Variants in RSRC1 observed in about 807,000 individuals in gnomAD.
The protein encoded by RSRC1 is serine/Arginine-related protein 53.
In RSRC1, 39 loss-of-function variants were observed where a neutral mutation model predicts 49.1. The ratio of observed to expected loss-of-function variants is 0.79; its 90% CI spans 0.61 to 1.04. The LOEUF is 1.04. RSRC1 is among the 50% of genes least tolerant of loss of function. The probability of loss-of-function intolerance (pLI) is 0.00; values close to 1 mark genes in which losing one functional copy is unlikely to be tolerated. For synonymous variants in RSRC1, 143 were observed against 130.8 expected, an observed-to-expected ratio of 1.09 and a Z score of -0.63; for missense variants, 388 against 402.4, an observed-to-expected ratio of 0.96 and a Z score of 0.31.
intron 6 of RSRC1, among the ~76,000 whole-genome samples, chr3:158,398,739 C>A (rs1019690316): frequency 1.3e-5 from 2 of 151,980 alleles, no homozygotes; most frequent in Non-Finnish European, 2.9e-5. Flanking sequence ...TTACTACGAC[C>A]TAATTATTTT....
At chr3:158,435,488 T>G (rs1455115340) in intron 6 of RSRC1, among the ~76,000 whole-genome samples, 2 of 151,724 alleles carry the variant, frequency 1.3e-5, no homozygotes, top group African/African-American at 4.8e-5. Flanking sequence ...TGGCTGTAAC[T>G]ATAGTTCTGA....
rs144906416 is a variant in RSRC1, at chr3:158,302,455, C to T, written c.531+4380C>T. Among the ~76,000 whole-genome samples the T allele has an allele frequency of 1.6e-3, 243 of 151,380 alleles. 1 individual carries two copies. Among genetic ancestry groups the T allele is most frequent in the Middle Eastern group, 3.5e-3 (1 of 288 alleles). On this transcript the variant is annotated intron_variant, in intron 5 of 9. Transcript: ENST00000611884. ...TAATTTTTTTAATTTGATGAATAAT[C>T]GCTTATAGATGAAAGGCCTTCTGAT...
intron 5 of RSRC1, among the ~76,000 whole-genome samples, chr3:158,325,482 G>T (rs1729074904): frequency 1.3e-5 from 2 of 152,148 alleles, no homozygotes; most frequent in African/African-American, 4.8e-5. Context: ...TTATTAAATA[G>T]GGAATCCTTT....
chr3:158,183,329 A>G (rs1719738167), intron 3 of RSRC1, among the ~76,000 whole-genome samples: 1 of 152,114 alleles, frequency 6.6e-6, no homozygotes, highest in Non-Finnish European at 1.5e-5. Flanking sequence ...TGACACTTTA[A>G]AGTTTTTTTA....
intron 7 of RSRC1, among the ~76,000 whole-genome samples, chr3:158,514,370 A>G (rs1578564701): frequency 6.6e-6 from 1 of 152,206 alleles, no homozygotes; most frequent in South Asian, 2.1e-4. Context: ...TCATTTCGTT[A>G]TGTACCCAGC....
chr3:158,516,574 G>A (rs1157788961), intron 7 of RSRC1, among the ~76,000 whole-genome samples: 2 of 152,304 alleles, frequency 1.3e-5, no homozygotes, highest in East Asian at 1.9e-4. Context: ...GCCCCCAGAG[G>A]TGGAGCCTAC....
At chr3:158,178,103 T>C (rs1719350528) in intron 3 of RSRC1, among the ~76,000 whole-genome samples, 1 of 152,018 alleles carries the variant, frequency 6.6e-6, no homozygotes, top group Non-Finnish European at 1.5e-5. Context: ...TTCATTCCTG[T>C]TGTTGTTTTG....
At chr3:158,114,539 T>C (rs1441215697) in intron 1 of RSRC1, among the ~76,000 whole-genome samples, 1 of 152,080 alleles carries the variant, frequency 6.6e-6, no homozygotes, top group Admixed American at 6.5e-5. Context: ...CTGTGAAGAA[T>C]GTTAATGGTA....
At chr3:158,326,282 G>A (rs989106271) in intron 5 of RSRC1, among the ~76,000 whole-genome samples, 2 of 152,188 alleles carry the variant, frequency 1.3e-5, no homozygotes, top group African/African-American at 4.8e-5. Flanking sequence ...TAGGAGTGGT[G>A]AGAGAGGACA....
At chr3:158,312,142 A>G (rs10513525) in intron 5 of RSRC1, among the ~76,000 whole-genome samples, 11,661 of 147,872 alleles carry the variant, frequency 0.079, 540 homozygotes, top group South Asian at 0.13. Context: ...GAGAGCACCT[A>G]TTATACTCTA....
chr3:158,149,394 C>G (rs1717372460), intron 3 of RSRC1, among the ~76,000 whole-genome samples: 1 of 152,096 alleles, frequency 6.6e-6, no homozygotes, highest in South Asian at 2.1e-4. Flanking sequence ...CTGTGGACTG[C>G]CTGCCTTAAG....
At chr3:158,135,626 A>G (rs1353641076) in intron 3 of RSRC1, among the ~76,000 whole-genome samples, 2 of 151,676 alleles carry the variant, frequency 1.3e-5, no homozygotes, top group African/African-American at 4.8e-5. Flanking sequence ...TTTTCCCTCC[A>G]ATTTTTTTCT....
chr3:158,384,284 T>C (rs1732853959), intron 6 of RSRC1, among the ~76,000 whole-genome samples: 1 of 152,116 alleles, frequency 6.6e-6, no homozygotes, highest in Non-Finnish European at 1.5e-5. Context: ...ACAGTTACCA[T>C]GGAGATACCT....
chr3:158,379,178 G>T (rs1193001030), intron 6 of RSRC1, among the ~76,000 whole-genome samples: 1 of 143,344 alleles, frequency 7.0e-6, no homozygotes, highest in Non-Finnish European at 1.5e-5. Flanking sequence ...TTAAAACCTT[G>T]ATCAGAAATA....
intron 4 of RSRC1, among the ~76,000 whole-genome samples, chr3:158,292,975 A>T (rs1043049080): frequency 2.6e-5 from 4 of 152,104 alleles, no homozygotes; most frequent in Admixed American, 6.5e-5. Flanking sequence ...TAAAACGAGT[A>T]TTATATGTCA....
Position 158,112,930 on chromosome 3 carries a change from A to G in RSRC1, c.-3+2707A>G, listed in dbSNP as rs563913828. Among the ~76,000 whole-genome samples, 7 of 152,244 alleles carry G rather than the reference A, an allele frequency of 4.6e-5. No homozygotes were observed. The South Asian group carries it at 1.5e-3, about 32-fold the overall frequency. On this transcript the variant is annotated intron_variant, in intron 1 of 9. Coordinates refer to ENST00000611884, the MANE Select transcript of RSRC1 (RefSeq NM_001271838.2). ...CTCTTCCTGCGTTAGTTTGATGAGT[A>G]TAATGGCTTCCAGCTCCATCCATGT...
intron 3 of RSRC1, among the ~76,000 whole-genome samples, chr3:158,147,618 A>G (rs367961774): frequency 3.9e-5 from 6 of 152,018 alleles, no homozygotes; most frequent in African/African-American, 1.4e-4. Context: ...AAAATAGATT[A>G]TTTTTTCATG....
Position 158,323,053 on chromosome 3 carries a change from CT to C in RSRC1, c.531+24987del, listed in dbSNP as rs1007238153. Among the ~76,000 whole-genome samples the C allele has an allele frequency of 3.3e-5, 5 of 151,218 alleles. No individual in the cohort carries two copies. The South Asian group carries it at 6.3e-4, about 19-fold the overall frequency. On this transcript the variant is annotated intron_variant, in intron 5 of 9. Coordinates refer to ENST00000611884, the MANE Select transcript of RSRC1 (RefSeq NM_001271838.2). ...CAGTGAGATCACATTTCCACACTTC[CT>C]TTTTTTTTCTAATGTCTAGTAATTT... is the stretch of plus-strand genomic sequence containing the variant.
intron 7 of RSRC1, among the ~76,000 whole-genome samples, chr3:158,479,704 C>T (rs1738531893): frequency 6.6e-6 from 1 of 151,960 alleles, no homozygotes; most frequent in Non-Finnish European, 1.5e-5. Flanking sequence ...GATGTCACTA[C>T]ACTAAACTAA....
Sources: gnomAD v4.1 joint callset for allele counts (sites outside exome capture counted in the v4.1 genomes callset) on GRCh38, gnomAD v4.1.1 for gene constraint, MANE v1.5 for transcripts, NCBI Gene and HGNC (gene_info 2026-07-23, HGNC 2026-07-21) for gene names.